MTHFD1L: variants seen among roughly 807,000 people sequenced by gnomAD.
The protein encoded by MTHFD1L is methylenetetrahydrofolate dehydrogenase (NADP+ dependent) 1 like, also known as monofunctional C1-tetrahydrofolate synthase, mitochondrial.
MTHFD1L carries 81 observed loss-of-function variants against 119.5 expected under a neutral mutation model. The observed-to-expected ratio is 0.68, with a 90% confidence interval of 0.57 to 0.82. MTHFD1L has a LOEUF of 0.82. Ranked by LOEUF, MTHFD1L falls within the 40% of genes least tolerant of loss-of-function variation. The pLI, the probability that MTHFD1L is intolerant of heterozygous loss-of-function variation, is 0.00. For missense variants in MTHFD1L, 1,125 were observed against 1,253.4 expected (o/e 0.90, Z 1.55); for synonymous variants, 430 against 475.2 (o/e 0.90, Z 1.24).
rs928004080 is a variant in MTHFD1L, at chr6:150,866,486, G to C, written c.227+437G>C. The C allele has an allele frequency of 6.8e-6, 9 of 1,317,742 alleles. No homozygotes were observed. The South Asian group carries it at 1.4e-4, about 21-fold the overall frequency. The allele number at this position is 1,317,742 out of a possible 1,614,324, so 81.6% of individuals were successfully genotyped here. A position where few individuals can be genotyped will look rare whatever the true frequency, so the allele number is the denominator to read the frequency against. ...CGGCGCGCCGGCTGGCCCGGGGTTCGGGAAGGGCAAGCGGAGCTCGGGAGA... is the reference window on the plus strand; with the variant it reads ...CGGCGCGCCGGCTGGCCCGGGGTTCCGGAAGGGCAAGCGGAGCTCGGGAGA... On this transcript the variant is annotated intron_variant, in intron 1 of 27. Coordinates refer to ENST00000367321, the MANE Select transcript of MTHFD1L (RefSeq NM_015440.5).
intron 7 of MTHFD1L, among the ~76,000 whole-genome samples, chr6:150,895,604 T>A (rs1234121886): frequency 1.5e-5 from 2 of 131,162 alleles, no homozygotes; most frequent in East Asian, 5.0e-4. Flanking sequence ...GTGTCTAGGG[T>A]TTTTTGTGGT....
chr6:150,876,573 A>G (rs558772097), intron 2 of MTHFD1L, among the ~76,000 whole-genome samples: 10 of 152,276 alleles, frequency 6.6e-5, no homozygotes, highest in African/African-American at 2.4e-4. Flanking sequence ...TAATCTTTTT[A>G]CTCTATCTTT....
intron 13 of MTHFD1L, among the ~76,000 whole-genome samples, chr6:150,939,910 C>T (rs1163336413): frequency 3.3e-5 from 5 of 152,136 alleles, no homozygotes; most frequent in Middle Eastern, 3.4e-3. Flanking sequence ...GTCTGGAACT[C>T]GTGAGCTCAG....
intron 27 of MTHFD1L, among the ~76,000 whole-genome samples, chr6:151,100,130 T>C (rs865803763): frequency 6.8e-6 from 1 of 147,040 alleles, no homozygotes; most frequent in Non-Finnish European, 1.5e-5. Context: ...GCCTCCCGGG[T>C]TCACGCCATT....
At chr6:151,031,611 A>G (rs917673259) in intron 24 of MTHFD1L, among the ~76,000 whole-genome samples, 4 of 152,236 alleles carry the variant, frequency 2.6e-5, no homozygotes, top group African/African-American at 7.2e-5. Flanking sequence ...GACTTTATAA[A>G]TACTTGCATA....
At chr6:150,866,166 A>G (rs1482503697) in intron 1 of MTHFD1L, 117 bp downstream of exon 1, 3 of 1,378,478 alleles carry the variant, frequency 2.2e-6, no homozygotes, top group Non-Finnish European at 1.9e-6. Context: ...GTTTGGTGCC[A>G]ACTCATTAGG....
intron 7 of MTHFD1L, among the ~76,000 whole-genome samples, chr6:150,903,068 G>T (rs1282757323): frequency 6.6e-6 from 1 of 152,010 alleles, no homozygotes; most frequent in East Asian, 1.9e-4. Flanking sequence ...TTATACAGAT[G>T]TTTAAAATCC....
chr6:150,875,938 C>T (rs1780365618), intron 1 of MTHFD1L, 152 bp from the exon 2 acceptor site: 1 of 606,996 alleles, frequency 1.6e-6, no homozygotes, highest in South Asian at 2.1e-5. Context: ...TGTTACGCCG[C>T]CTACCCCCTC....
At chr6:151,056,828 G>T (rs1315704541) in intron 26 of MTHFD1L, among the ~76,000 whole-genome samples, 4 of 152,302 alleles carry the variant, frequency 2.6e-5, no homozygotes, top group South Asian at 2.1e-4. Context: ...GTTCTGACCT[G>T]GGAGGGAAGG....
At chr6:151,012,017 A>G (rs1289123747) in intron 21 of MTHFD1L, among the ~76,000 whole-genome samples, 14 of 91,714 alleles carry the variant, frequency 1.5e-4, no homozygotes, top group Admixed American at 1.1e-3. Context: ...CAACAACAAC[A>G]ACAAAAAAAA....
chr6:150,879,509 G>A (rs1781031596), intron 4 of MTHFD1L, among the ~76,000 whole-genome samples: 1 of 151,568 alleles, frequency 6.6e-6, no homozygotes, highest in South Asian at 2.1e-4. Context: ...GGCTGGTCTT[G>A]AACTCCTGAC....
intron 20 of MTHFD1L, among the ~76,000 whole-genome samples, chr6:150,975,960 C>T (rs1039706915): frequency 7.9e-5 from 12 of 152,126 alleles, no homozygotes; most frequent in Middle Eastern, 3.2e-3. Context: ...GAAGCGGGGA[C>T]GCCAAGGCGG....
At chr6:150,922,647 CTTT>C (rs35497180) in intron 10 of MTHFD1L, among the ~76,000 whole-genome samples, 8,756 of 108,226 alleles carry the variant, frequency 0.081, 320 homozygotes, top group Middle Eastern at 0.13. Context: ...CCCCCCCACC[CTTT>C]TTTTTTTTTT....
intron 15 of MTHFD1L, among the ~76,000 whole-genome samples, chr6:150,948,555 C>A (rs149936712): frequency 0.13 from 19,814 of 151,814 alleles, 1,706 homozygotes; most frequent in Middle Eastern, 0.27. Context: ...AACTCCTGAC[C>A]TTAGGTGATC....
intron 23 of MTHFD1L, among the ~76,000 whole-genome samples, chr6:151,015,206 C>CTTTTT (rs58646889): frequency 4.3e-4 from 33 of 76,882 alleles, no homozygotes; most frequent in Non-Finnish European, 4.6e-4. Flanking sequence ...ATCTCCTTGG[C>CTTTTT]TTTTTTTTTT....
chr6:151,046,467 G>GTA (rs1788040048), intron 26 of MTHFD1L, among the ~76,000 whole-genome samples: 1 of 36,102 alleles, frequency 2.8e-5, no homozygotes, highest in African/African-American at 6.9e-5. Flanking sequence ...TAATATGTGT[G>GTA]TGTGTATATA....
chr6:150,887,692 A>G, intron 6 of MTHFD1L, 153 bp from the exon 7 acceptor site: 1 of 653,296 alleles, frequency 1.5e-6, no homozygotes, highest in Non-Finnish European at 2.4e-6. Flanking sequence ...CGTGACCTGA[A>G]GTGATCCGCC....
intron 20 of MTHFD1L, among the ~76,000 whole-genome samples, chr6:150,982,222 A>C (rs1777607789): frequency 6.6e-6 from 1 of 152,174 alleles, no homozygotes; most frequent in African/African-American, 2.4e-5. Context: ...TTAATAATTT[A>C]ACATGTAAAA....
At chr6:151,020,313 G>C (rs969832705) in intron 24 of MTHFD1L, among the ~76,000 whole-genome samples, 3 of 152,232 alleles carry the variant, frequency 2.0e-5, no homozygotes, top group African/African-American at 4.8e-5. Context: ...GATTCAGCTG[G>C]AGAGAGTGGG....
Sources: allele counts gnomAD v4.1 joint callset (sites outside exome capture counted in the v4.1 genomes callset), GRCh38; gene constraint gnomAD v4.1.1; transcripts MANE v1.5; gene names NCBI Gene and HGNC (gene_info 2026-07-23, HGNC 2026-07-21).